The following UNC5C variants were observed in gnomAD, a reference collection of about 807,000 sequenced individuals.
UNC5C encodes the protein unc-5 netrin receptor C, also known as netrin receptor UNC5C.
UNC5C carries 47 observed loss-of-function variants against 99.8 expected under a neutral mutation model. The observed-to-expected ratio is 0.47, with a 90% CI of 0.37 to 0.60. The LOEUF is 0.60. Ranked by LOEUF, UNC5C falls within the 20% of genes least tolerant of loss-of-function variation. The pLI, the probability that UNC5C is intolerant of heterozygous loss-of-function variation, is 0.00. For missense variants in UNC5C, 1,062 were observed against 1,165.9 expected, an observed-to-expected ratio of 0.91 and a Z score of 1.30; for synonymous variants, 487 against 452.2, an observed-to-expected ratio of 1.08 and a Z score of -0.98.
intron 1 of UNC5C, among the ~76,000 whole-genome samples, chr4:95,520,739 C>T (rs1195078679): frequency 6.6e-6 from 1 of 151,818 alleles, no homozygotes; most frequent in Non-Finnish European, 1.5e-5. Context: ...GCTGGAACTA[C>T]AGGTGCCGGC....
At chr4:95,235,938 G>C (rs1739094027) in intron 7 of UNC5C, among the ~76,000 whole-genome samples, 1 of 152,104 alleles carries the variant, frequency 6.6e-6, no homozygotes, top group Non-Finnish European at 1.5e-5. Flanking sequence ...GAAACAACAG[G>C]TGCTGGAGAG....
chr4:95,340,614 T>C (rs1355038623), intron 1 of UNC5C, among the ~76,000 whole-genome samples: 1 of 152,136 alleles, frequency 6.6e-6, no homozygotes, highest in Non-Finnish European at 1.5e-5. Flanking sequence ...ATGCCTTAAA[T>C]GTATTGCACA....
chr4:95,417,876 T>C (rs1194505010), intron 1 of UNC5C, among the ~76,000 whole-genome samples: 1 of 152,226 alleles, frequency 6.6e-6, no homozygotes, highest in Non-Finnish European at 1.5e-5. Context: ...ACACAGATAA[T>C]ACAAAGCAAT....
intron 1 of UNC5C, among the ~76,000 whole-genome samples, chr4:95,482,324 A>G (rs905044964): frequency 6.6e-6 from 1 of 152,058 alleles, no homozygotes; most frequent in South Asian, 2.1e-4. Flanking sequence ...ATCTCACACC[A>G]GTTAGAATGG....
chr4:95,194,397 A>G (rs1000941145), intron 12 of UNC5C, among the ~76,000 whole-genome samples: 17 of 152,172 alleles, frequency 1.1e-4, no homozygotes, highest in Non-Finnish European at 1.0e-4. Flanking sequence ...TTAAAAAATA[A>G]CACAAACTGA....
chr4:95,442,484 A>T (rs1343144810), intron 1 of UNC5C, among the ~76,000 whole-genome samples: 1 of 148,078 alleles, frequency 6.8e-6, no homozygotes, highest in African/African-American at 2.5e-5. Context: ...CTGGGATTAC[A>T]TGTGTGACCC....
At chr4:95,288,220 C>A (rs1233279869) in intron 3 of UNC5C, among the ~76,000 whole-genome samples, 1 of 151,908 alleles carries the variant, frequency 6.6e-6, no homozygotes, top group Non-Finnish European at 1.5e-5. Context: ...GTAGCTGGGA[C>A]TACAGGCACC....
chr4:95,195,696 C>T (rs1737350628), intron 12 of UNC5C, among the ~76,000 whole-genome samples: 1 of 152,184 alleles, frequency 6.6e-6, no homozygotes, highest in Admixed American at 6.5e-5. Flanking sequence ...CTGTCCATGA[C>T]TGTGGCCCAA....
At chr4:95,488,692 T>C (rs2149480568) in intron 1 of UNC5C, among the ~76,000 whole-genome samples, 2 of 151,906 alleles carry the variant, frequency 1.3e-5, no homozygotes, top group South Asian at 4.1e-4. Context: ...TAATATAACA[T>C]TTCCAAAAGC....
chr4:95,202,949 C>T lies in UNC5C; in HGVS notation c.1918G>A (p.Gly640Arg), dbSNP rs776415886. 41 of 1,613,932 alleles carry T rather than the reference C, an allele frequency of 2.5e-5. No individual in the cohort carries two copies. In the Middle Eastern group the frequency reaches 6.6e-4, roughly 26 times the overall value. ...CAGGGGGTGGTGAAGTTTTCCTCCC[C>T]GACCACCACCACATCCTGGGGGACA... ...QGQWEDVVVV[G>R]EENFTTPCYI... The change falls in exon 12 of 16, where the codon GGG (glycine) becomes AGG (arginine). Residue 640 changes from glycine (G) to arginine (R), a missense_variant. Gly to Arg is a moderately radical substitution (Grantham distance 125). Coordinates refer to ENST00000453304, the MANE Select transcript of UNC5C (RefSeq NM_003728.4).
intron 4 of UNC5C, among the ~76,000 whole-genome samples, chr4:95,253,627 ACGC>A (rs1312955779): frequency 1.1e-4 from 16 of 152,234 alleles, no homozygotes; most frequent in South Asian, 2.1e-4. Context: ...ATTTGCTTTC[ACGC>A]CTTTGTTTCA....
intron 1 of UNC5C, among the ~76,000 whole-genome samples, chr4:95,363,286 T>C (rs1744452507): frequency 6.6e-6 from 1 of 152,154 alleles, no homozygotes; most frequent in Non-Finnish European, 1.5e-5. Flanking sequence ...CATTTGTTAG[T>C]GATCATTTGG....
At chr4:95,186,157 T>C (rs900577985) in intron 12 of UNC5C, among the ~76,000 whole-genome samples, 1 of 152,188 alleles carries the variant, frequency 6.6e-6, no homozygotes, top group African/African-American at 2.4e-5. Flanking sequence ...GTTACTCCTC[T>C]CATGCCTTAA....
intron 7 of UNC5C, among the ~76,000 whole-genome samples, chr4:95,225,997 C>T (rs1738671606): frequency 6.6e-6 from 1 of 152,192 alleles, no homozygotes; most frequent in Admixed American, 6.5e-5. Context: ...TATGCTTCTC[C>T]ATCTGATCCG....
At chr4:95,369,304 C>T (rs772493756) in intron 1 of UNC5C, among the ~76,000 whole-genome samples, 2 of 151,764 alleles carry the variant, frequency 1.3e-5, no homozygotes, top group Non-Finnish European at 2.9e-5. Flanking sequence ...TAATGCCAGC[C>T]CTTTGGGAGG....
intron 1 of UNC5C, among the ~76,000 whole-genome samples, chr4:95,547,870 C>G (rs1244494486): frequency 1.3e-5 from 2 of 152,224 alleles, no homozygotes; most frequent in Non-Finnish European, 2.9e-5. Flanking sequence ...TTACCCATCC[C>G]CAACTCCCGG....
intron 2 of UNC5C, among the ~76,000 whole-genome samples, chr4:95,325,195 C>G (rs1742841191): frequency 6.6e-6 from 1 of 152,072 alleles, no homozygotes; most frequent in South Asian, 2.1e-4. Context: ...TAAGATCAAG[C>G]AGGATGTGCT....
intron 7 of UNC5C, among the ~76,000 whole-genome samples, chr4:95,233,559 A>T (rs1171233655): frequency 6.6e-6 from 1 of 152,224 alleles, no homozygotes; most frequent in East Asian, 1.9e-4. Context: ...TATTTTCAAA[A>T]GGAAGAAGTA....
In UNC5C at chr4:95,366,709, CT is replaced by C. The variant is rs571181042; in HGVS notation, c.125-31079del. 5.0e-3 allele frequency among the ~76,000 whole-genome samples: 763 copies of C among 152,304 alleles called. 4 individuals carry two copies. The highest frequency in any genetic ancestry group is 8.7e-3 in the Non-Finnish European group (592 of 68,020). On this transcript the variant is annotated intron_variant, in intron 1 of 15. Transcript: ENST00000453304. ...GCTCCAGATGACAACCCTAAGAGGT[CT>C]TCTGATTAAGTCCAGTCAAACCTAA...
Sources: gnomAD v4.1 joint callset for allele counts (sites outside exome capture counted in the v4.1 genomes callset) on GRCh38, gnomAD v4.1.1 for gene constraint, MANE v1.5 for transcripts, NCBI Gene and HGNC (gene_info 2026-07-23, HGNC 2026-07-21) for gene names.